Variants in NLRC3 observed in about 807,000 individuals in gnomAD.
The protein encoded by NLRC3 is NLR family CARD domain-containing protein 3.
NLRC3 carries 87 observed loss-of-function variants against 91.6 expected under a neutral mutation model. That is an observed-to-expected ratio of 0.95 (90% CI 0.80 to 1.14). The LOEUF (loss-of-function observed/expected upper bound fraction) is 1.14, where lower values mean the gene tolerates loss of function less well. Ranked by LOEUF, NLRC3 falls within the 50% of genes most tolerant of loss-of-function variation. NLRC3 has a pLI of 0.00. For missense variants in NLRC3, 1,577 were observed against 1,418.6 expected (o/e 1.11, Z -1.79); for synonymous variants, 694 against 625.3 (o/e 1.11, Z -1.64).
chr16:3,550,298 G>C, intron 11 of NLRC3, 116 bp downstream of exon 11: 1 of 671,124 alleles, frequency 1.5e-6, no homozygotes, highest in Non-Finnish European at 2.7e-6. Flanking sequence ...TGTGTGCCCA[G>C]GGTTAGTGTT....
intron 15 of NLRC3, chr16:3,545,911 C>T (rs1156821338): frequency 6.6e-6 from 1 of 152,462 alleles, no homozygotes. Flanking sequence ...AAGGATGGCA[C>T]CCAAGATGGG....
chr16:3,549,196 C>T lies in NLRC3; in HGVS notation c.2549G>A (p.Gly850Glu). The change falls in exon 13 of 20, where the codon GGA becomes GAA. Residue 850 changes from glycine to glutamate, a missense_variant. Gly to Glu is a moderately conservative substitution (Grantham distance 98). Transcript: ENST00000359128. ...SLRENSISPE[G>E]AQAIAHALCA... ...GAGGGCATGAGCGATGGCCTGGGCT[C>T]CCTCGGGACTGATGGAGTTTTCTCG... 6.3e-7 allele frequency: 1 copy of T among 1,588,362 alleles called. No homozygotes were observed. Among genetic ancestry groups the T allele is most frequent in the South Asian group, 1.2e-5 (1 of 86,880 alleles).
intron 1 of NLRC3, 53 bp from the exon 2 acceptor site, chr16:3,567,377 A>C (rs2039924122): frequency 6.6e-6 from 1 of 152,236 alleles, no homozygotes; most frequent in Admixed American, 6.5e-5. Flanking sequence ...ACTGCTGCTG[A>C]TGGCAGCCCT....
At chr16:3,559,495 C>T (rs1596471018) in intron 6 of NLRC3, among the ~76,000 whole-genome samples, 1 of 152,032 alleles carries the variant, frequency 6.6e-6, no homozygotes, top group Admixed American at 6.6e-5. Context: ...TGCCTGGCCC[C>T]CGAATAATTT....
At chr16:3,549,856 G>T in intron 11 of NLRC3, 76 bp from the exon 12 acceptor site, 2 of 1,017,978 alleles carry the variant, frequency 2.0e-6, no homozygotes, top group Non-Finnish European at 1.5e-6. Flanking sequence ...GTCTGGGACA[G>T]CAGGCACTGG....
rs199475943 is a variant in NLRC3 at position 3,549,162 on chromosome 16, G to C, written c.2583C>G (p.Asn861Lys). 175 of 1,582,730 alleles carry C rather than the reference G, an allele frequency of 1.1e-4. 1 individual carries two copies. Among genetic ancestry groups the C allele is most frequent in the South Asian group, 1.1e-3 (91 of 86,330 alleles). The change falls in exon 13 of 20, where the codon AAC becomes AAG. Residue 861 changes from asparagine to lysine, a missense_variant. By Grantham distance (94) the Asn-to-Lys change is moderately conservative. Transcript: ENST00000359128. Reference protein sequence around the residue: ...AQAIAHALCANSTLKNLDLTA... With the variant: ...AQAIAHALCAKSTLKNLDLTA... ...CGTACTCCAGGTTCTTCAGGGTGCTGTTGGCGCAGAGGGCATGAGCGATGG... is the reference window on the plus strand; with the variant it reads ...CGTACTCCAGGTTCTTCAGGGTGCTCTTGGCGCAGAGGGCATGAGCGATGG...
intron 14 of NLRC3, 30 bp downstream of exon 14, chr16:3,548,638 GAA>G (rs2038824167): frequency 2.7e-6 from 4 of 1,461,914 alleles, no homozygotes; most frequent in Non-Finnish European, 3.8e-6. Context: ...TGCAGAAGGG[GAA>G]CAGAGCAGGG....
intron 1 of NLRC3, among the ~76,000 whole-genome samples, chr16:3,573,855 G>T (rs779043631): frequency 1.3e-5 from 2 of 152,044 alleles, no homozygotes; most frequent in African/African-American, 2.4e-5. Flanking sequence ...GTCCTGCTTT[G>T]TTGCCCAGGC....
In NLRC3 at chr16:3,549,868, C is replaced by G. The variant is rs2038904125; in HGVS notation, c.2436-88G>C. The stretch of plus-strand genomic sequence containing the variant: ...CCAGTCTGGGACAGCAGGCACTGGG[C>G]TCAACAGGGAGTTGGGGGCTCCAGG... On this transcript the variant is annotated intron_variant, in intron 11 of 19. Transcript: ENST00000359128. 7 of 861,600 alleles carry G rather than the reference C, an allele frequency of 8.1e-6. No homozygotes were observed. The African/African-American group carries it at 1.2e-4, about 14-fold the overall frequency. The allele number at this position is 861,600 out of a possible 1,614,324, so 53.4% of individuals were successfully genotyped here. A position where few individuals can be genotyped will look rare whatever the true frequency, so the allele number is the denominator to read the frequency against.
intron 6 of NLRC3, among the ~76,000 whole-genome samples, chr16:3,558,241 G>C (rs1448044251): frequency 2.6e-5 from 4 of 152,130 alleles, no homozygotes; most frequent in African/African-American, 7.2e-5. Flanking sequence ...AGGCTGAGGA[G>C]GGAGGATTTA....
At position 3,549,179 on chromosome 16, in the gene NLRC3, G is replaced by T. The variant is rs866869991; in HGVS notation, c.2566C>A (p.His856Asn). 6.3e-7 allele frequency: 1 copy of T among 1,588,784 alleles called. No individual in the cohort carries two copies. The highest frequency in any genetic ancestry group is 2.3e-5 in the East Asian group (1 of 43,840). The stretch of plus-strand genomic sequence containing the variant: ...AGGGTGCTGTTGGCGCAGAGGGCAT[G>T]AGCGATGGCCTGGGCTCCCTCGGGA... ...ISPEGAQAIA[H>N]ALCANSTLKN... The change falls in exon 13 of 20, where the codon CAT becomes AAT. Residue 856 changes from histidine (H) to asparagine (N), a missense_variant. His to Asn is a moderately conservative substitution (Grantham distance 68, BLOSUM62 1). Transcript: ENST00000359128.
intron 6 of NLRC3, 47 bp downstream of exon 6, chr16:3,561,655 C>T (rs773535736): frequency 2.9e-5 from 38 of 1,315,824 alleles, no homozygotes; most frequent in South Asian, 4.7e-5. Context: ...GGGTTCCATA[C>T]CCCACAAGAC....
intron 1 of NLRC3, among the ~76,000 whole-genome samples, chr16:3,570,003 C>T (rs1207158237): frequency 6.6e-6 from 1 of 152,146 alleles, no homozygotes; most frequent in Non-Finnish European, 1.5e-5. Flanking sequence ...ACTCTCAATA[C>T]CATTATTTCT....
rs376256531 is a variant in NLRC3 at position 3,549,247 on chromosome 16, G to C, written c.2520-22C>G. The C allele has an allele frequency of 9.7e-6, 15 of 1,541,628 alleles. No individual in the cohort carries two copies. The African/African-American group carries it at 1.4e-4, about 14-fold the overall frequency. On this transcript the variant is annotated intron_variant, in intron 12 of 19. Transcript: ENST00000359128. ...AAGGCTGAAAAAAAAGGAAAGACCTGAGCTTCTGACCGGGCAGATGAGGTG... is the reference window on the plus strand; with the variant it reads ...AAGGCTGAAAAAAAAGGAAAGACCTCAGCTTCTGACCGGGCAGATGAGGTG...
At chr16:3,557,528 A>T (rs1407647691) in intron 7 of NLRC3, 65 bp downstream of exon 7, 7 of 997,750 alleles carry the variant, frequency 7.0e-6, no homozygotes, top group Non-Finnish European at 7.8e-6. Context: ...AGGGGACTTC[A>T]CAAGATGCCT....
intron 15 of NLRC3, among the ~76,000 whole-genome samples, chr16:3,546,030 G>A (rs533499523): frequency 2.0e-5 from 3 of 152,288 alleles, no homozygotes; most frequent in African/African-American, 7.2e-5. Context: ...GGCAGGGGCA[G>A]TGGACGCAGA....
rs757852270 is a variant in NLRC3 at position 3,563,622 on chromosome 16, G to A, written c.1315C>T (p.Leu439=). 40 of 1,613,390 alleles carry A rather than the reference G, an allele frequency of 2.5e-5. No individual in the cohort carries two copies. Among genetic ancestry groups the A allele is most frequent in the African/African-American group, 1.5e-4 (11 of 74,940 alleles). Reference sequence around the variant, plus strand: ...GATGCCAACGTCTCCTCTCTCTGCAGGAAGCAGCTGCACGGGGCGCCCTGC... The same window carrying A: ...GATGCCAACGTCTCCTCTCTCTGCAAGAAGCAGCTGCACGGGGCGCCCTGC... ...LLQGAPCSCF[L]QREETLASSV... is the part of the protein sequence containing the mutation. The change falls in exon 5 of 20, where the codon CTG becomes TTG. Residue 439 remains leucine, a synonymous_variant. Transcript: ENST00000359128.
At chr16:3,551,627 C>CCATT (rs761969982) in intron 10 of NLRC3, among the ~76,000 whole-genome samples, 1 of 151,376 alleles carries the variant, frequency 6.6e-6, no homozygotes, top group Admixed American at 6.6e-5. Flanking sequence ...ATCCATCCAT[C>CCATT]CATTCATTCA....
At chr16:3,559,278 G>C (rs1201237903) in intron 6 of NLRC3, among the ~76,000 whole-genome samples, 6 of 152,208 alleles carry the variant, frequency 3.9e-5, no homozygotes, top group African/African-American at 1.4e-4. Flanking sequence ...ATAGGGATGT[G>C]GCACTGAGGA....
Sources: gnomAD v4.1 joint callset for allele counts (sites outside exome capture counted in the v4.1 genomes callset) on GRCh38, gnomAD v4.1.1 for gene constraint, MANE v1.5 for transcripts, NCBI Gene and HGNC (gene_info 2026-07-23, HGNC 2026-07-21) for gene names.